GPC5: variants seen among roughly 807,000 people sequenced by gnomAD.
GPC5 encodes the protein glypican-5.
In GPC5, 47 loss-of-function variants were observed where a neutral mutation model predicts 53.9. The observed-to-expected ratio is 0.87, with a 90% CI of 0.69 to 1.11. GPC5 has a LOEUF of 1.11. GPC5 is among the 50% of genes most tolerant of loss of function. The probability of loss-of-function intolerance (pLI) is 0.00; values close to 1 mark genes in which losing one functional copy is unlikely to be tolerated. For synonymous variants in GPC5, 286 were observed against 263.3 expected, an observed-to-expected ratio of 1.09 and a Z score of -0.84; for missense variants, 748 against 713.1, an observed-to-expected ratio of 1.05 and a Z score of -0.56.
At chr13:92,321,100 GC>G (rs1384954660) in intron 7 of GPC5, among the ~76,000 whole-genome samples, 1 of 151,972 alleles carries the variant, frequency 6.6e-6, no homozygotes, top group Admixed American at 6.6e-5. Flanking sequence ...AGTTACTCAG[GC>G]TACCTTTTAA....
At chr13:92,482,230 A>T (rs1449262895) in intron 7 of GPC5, among the ~76,000 whole-genome samples, 1 of 152,198 alleles carries the variant, frequency 6.6e-6, no homozygotes, top group Non-Finnish European at 1.5e-5. Flanking sequence ...TCTTTCAAAA[A>T]TACATTTCAA....
chr13:92,417,209 T>A lies in GPC5; in HGVS notation c.1561+272220T>A, dbSNP rs535979580. ...AGACCTGAATTTTTTCCAAAAAATT[T>A]TTTCCAAAAAATCATACTCAGATGA... is the stretch of plus-strand genomic sequence containing the variant. On this transcript the variant is annotated intron_variant, in intron 7 of 7. Transcript: ENST00000377067. Among the ~76,000 whole-genome samples, 22 of 152,300 alleles carry A rather than the reference T, an allele frequency of 1.4e-4. No homozygotes were observed. In the South Asian group the frequency reaches 4.4e-3, roughly 30 times the overall value.
intron 5 of GPC5, among the ~76,000 whole-genome samples, chr13:91,861,348 C>G (rs889730746): frequency 6.6e-6 from 1 of 152,114 alleles, no homozygotes; most frequent in Non-Finnish European, 1.5e-5. Flanking sequence ...ATCTATTTCT[C>G]CCTTCAGTTC....
chr13:91,816,830 G>A (rs1308473542), intron 5 of GPC5, among the ~76,000 whole-genome samples: 1 of 152,092 alleles, frequency 6.6e-6, no homozygotes, highest in Non-Finnish European at 1.5e-5. Flanking sequence ...TAGCAATCAT[G>A]TGTCTGAATC....
intron 1 of GPC5, among the ~76,000 whole-genome samples, chr13:91,408,274 A>T (rs1292110817): frequency 6.6e-6 from 1 of 152,090 alleles, no homozygotes; most frequent in Non-Finnish European, 1.5e-5. Context: ...TATGAGATCA[A>T]CCTTTTTAGA....
chr13:91,472,036 T>C (rs1354953076), intron 2 of GPC5, among the ~76,000 whole-genome samples: 1 of 152,186 alleles, frequency 6.6e-6, no homozygotes, highest in South Asian at 2.1e-4. Context: ...ATCTCTATTA[T>C]ATCTATTCAA....
chr13:92,410,219 T>A (rs1875982771), intron 7 of GPC5, among the ~76,000 whole-genome samples: 1 of 152,190 alleles, frequency 6.6e-6, no homozygotes, highest in African/African-American at 2.4e-5. Flanking sequence ...CTGAATATAC[T>A]AATTTTCAGG....
intron 7 of GPC5, among the ~76,000 whole-genome samples, chr13:92,236,254 G>GA (rs1453712403): frequency 6.6e-6 from 1 of 151,896 alleles, no homozygotes; most frequent in Non-Finnish European, 1.5e-5. Flanking sequence ...TTTGTTATTT[G>GA]AAAAAATCAT....
chr13:92,010,721 G>A (rs1283696247), intron 6 of GPC5, among the ~76,000 whole-genome samples: 1 of 152,168 alleles, frequency 6.6e-6, no homozygotes, highest in Non-Finnish European at 1.5e-5. Context: ...CACAGCAAGA[G>A]AATGGTCATC....
chr13:91,717,807 G>A (rs1373836761), intron 3 of GPC5, among the ~76,000 whole-genome samples: 2 of 151,832 alleles, frequency 1.3e-5, no homozygotes, highest in Admixed American at 6.6e-5. Context: ...TGCCCACCTC[G>A]GCTTCCCAAA....
At position 92,561,208 on chromosome 13, in the gene GPC5, C is replaced by T. The variant is rs959191236; in HGVS notation, c.1562-305074C>T. Among the ~76,000 whole-genome samples the T allele has an allele frequency of 1.6e-4, 25 of 151,902 alleles. 1 individual carries two copies. Among genetic ancestry groups the T allele is most frequent in the African/African-American group, 6.0e-4 (25 of 41,384 alleles). ...CCTACCCAAAGCAATTTTCTCTTTTCAGTAAGTTATGCTGCGCTTATTTAC... is the reference window on the plus strand; with the variant it reads ...CCTACCCAAAGCAATTTTCTCTTTTTAGTAAGTTATGCTGCGCTTATTTAC... On this transcript the variant is annotated intron_variant, in intron 7 of 7. Coordinates refer to ENST00000377067, the MANE Select transcript of GPC5 (RefSeq NM_004466.6).
At position 92,559,750 on chromosome 13, in the gene GPC5, G is replaced by A. The variant is rs143463521; in HGVS notation, c.1562-306532G>A. Among the ~76,000 whole-genome samples the A allele has an allele frequency of 2.2e-4, 33 of 151,616 alleles. No homozygotes were observed. In the East Asian group the frequency reaches 5.7e-3, roughly 26 times the overall value. ...GCCTAAACTTTCCCCTTGCTTTTCT[G>A]TCTTCTGATGACCGTGGTGTTTTTT... is the stretch of plus-strand genomic sequence containing the variant. On this transcript the variant is annotated intron_variant, in intron 7 of 7. Coordinates refer to ENST00000377067, the MANE Select transcript of GPC5 (RefSeq NM_004466.6).
chr13:92,250,291 C>G (rs1929182), intron 7 of GPC5, among the ~76,000 whole-genome samples: 82,501 of 151,948 alleles, frequency 0.54, 22,832 homozygotes, highest in South Asian at 0.65. Flanking sequence ...CAGAGTTTTG[C>G]TCGTAATACG....
intron 5 of GPC5, among the ~76,000 whole-genome samples, chr13:91,854,124 A>G (rs1190998736): frequency 2.6e-5 from 4 of 151,876 alleles, no homozygotes; most frequent in South Asian, 2.1e-4. Flanking sequence ...AGGAAAAAAA[A>G]AGAGGTGCTA....
chr13:91,410,991 C>T (rs1877730483), intron 1 of GPC5, among the ~76,000 whole-genome samples: 1 of 152,082 alleles, frequency 6.6e-6, no homozygotes, highest in Admixed American at 6.5e-5. Context: ...TGCCTGTGAT[C>T]CCAGCTACTC....
chr13:91,886,364 G>A (rs2138959802), intron 5 of GPC5, among the ~76,000 whole-genome samples: 1 of 152,086 alleles, frequency 6.6e-6, no homozygotes, highest in East Asian at 1.9e-4. Context: ...GGGATTATGG[G>A]AACTATAATT....
At chr13:92,833,765 A>G (rs1022795005) in intron 7 of GPC5, among the ~76,000 whole-genome samples, 3 of 152,202 alleles carry the variant, frequency 2.0e-5, no homozygotes, top group Non-Finnish European at 2.9e-5. Flanking sequence ...TGGCAAGGGT[A>G]AAAGATGAGA....
At chr13:91,684,384 T>G (rs943699712) in intron 2 of GPC5, among the ~76,000 whole-genome samples, 1 of 152,144 alleles carries the variant, frequency 6.6e-6, no homozygotes, top group Non-Finnish European at 1.5e-5. Context: ...AACAAAACCT[T>G]TAATTTTCCA....
intron 6 of GPC5, among the ~76,000 whole-genome samples, chr13:92,028,274 C>T (rs1332397421): frequency 2.6e-5 from 4 of 151,988 alleles, no homozygotes; most frequent in South Asian, 4.2e-4. Flanking sequence ...AAATCATAAA[C>T]CTGTTAAAAA....
Sources: gnomAD v4.1 joint callset for allele counts (sites outside exome capture counted in the v4.1 genomes callset) on GRCh38, gnomAD v4.1.1 for gene constraint, MANE v1.5 for transcripts, NCBI Gene and HGNC (gene_info 2026-07-23, HGNC 2026-07-21) for gene names.